Variants in CTNNA3 observed in about 807,000 individuals in gnomAD.
CTNNA3 encodes catenin alpha 3.
Under a neutral mutation model 95.7 loss-of-function variants are expected in CTNNA3, and 76 were observed. The ratio of observed to expected loss-of-function variants is 0.79; its 90% confidence interval spans 0.66 to 0.96. The LOEUF (loss-of-function observed/expected upper bound fraction) is 0.96. Ranked by LOEUF, CTNNA3 falls within the 40% of genes least tolerant of loss-of-function variation. The probability of loss-of-function intolerance (pLI) is 0.00; values close to 1 mark genes in which losing one functional copy is unlikely to be tolerated. For synonymous variants in CTNNA3, 431 were observed against 374.4 expected (o/e 1.15, Z -1.74); for missense variants, 1,191 against 1,089.8 (o/e 1.09, Z -1.31).
chr10:66,914,142 T>C (rs2132572222), intron 7 of CTNNA3, among the ~76,000 whole-genome samples: 1 of 150,236 alleles, frequency 6.7e-6, no homozygotes, highest in East Asian at 2.0e-4. Context: ...TTTTTTTTTT[T>C]TTTTTTGAGA....
At chr10:66,446,135 A>C (rs2093419043) in intron 11 of CTNNA3, among the ~76,000 whole-genome samples, 1 of 152,198 alleles carries the variant, frequency 6.6e-6, no homozygotes, top group Non-Finnish European at 1.5e-5. Flanking sequence ...AAAAAGTTGA[A>C]TCTCTGAATA....
At chr10:66,996,505 G>T (rs372789305) in intron 7 of CTNNA3, among the ~76,000 whole-genome samples, 1 of 151,866 alleles carries the variant, frequency 6.6e-6, no homozygotes, top group Non-Finnish European at 1.5e-5. Context: ...GAAACTAGCC[G>T]GGCGTGGTGG....
chr10:66,928,254 T>C, intron 7 of CTNNA3: 1 of 1,614,126 alleles, frequency 6.2e-7, no homozygotes, highest in African/African-American at 1.3e-5. Context: ...AGCGGTACCC[T>C]GCGAGCATGA....
intron 7 of CTNNA3, among the ~76,000 whole-genome samples, chr10:67,145,636 G>A (rs1183451024): frequency 6.6e-6 from 1 of 151,830 alleles, no homozygotes; most frequent in East Asian, 1.9e-4. Flanking sequence ...TCACCATATT[G>A]GCCAGGCTGT....
intron 4 of CTNNA3, among the ~76,000 whole-genome samples, chr10:67,534,002 A>G (rs966652588): frequency 6.6e-6 from 1 of 152,054 alleles, no homozygotes; most frequent in Non-Finnish European, 1.5e-5. Flanking sequence ...CTTTAATGCT[A>G]TGAAATAAAG....
Position 66,819,470 on chromosome 10 carries a change from G to A in CTNNA3, c.1048-43946C>T, listed in dbSNP as rs181558415. On this transcript the variant is annotated intron_variant, in intron 7 of 17. Transcript: ENST00000433211. ...GTATGACATCAAAAGTACGAGCAGC[G>A]AAAAATAAATAGGTATACTGGACTT... is the stretch of plus-strand genomic sequence containing the variant. Among the ~76,000 whole-genome samples the A allele has an allele frequency of 4.1e-3, 628 of 151,844 alleles. 5 individuals carry two copies. Among genetic ancestry groups the A allele is most frequent in the African/African-American group, 0.013 (555 of 41,378 alleles).
chr10:67,725,413 G>A (rs1373166362), intron 1 of CTNNA3, among the ~76,000 whole-genome samples: 2 of 152,016 alleles, frequency 1.3e-5, no homozygotes, highest in Non-Finnish European at 2.9e-5. Flanking sequence ...TCCTGACCTC[G>A]TGATTCGCCC....
At chr10:67,483,105 G>A (rs12411412) in intron 5 of CTNNA3, among the ~76,000 whole-genome samples, 24,910 of 150,408 alleles carry the variant, frequency 0.17, 3,241 homozygotes, top group East Asian at 0.34. Context: ...ATCATTAAAA[G>A]GTCAGGACAC....
rs571411568 is a variant in CTNNA3, at chr10:66,410,872, C to T, written c.1532-31520G>A. ...CATAAAGTGCCTGTGTCTCTTAAAA[C>T]TTACACCATTAGCAAGCATTTAAAC... On this transcript the variant is annotated intron_variant, in intron 11 of 17. Transcript: ENST00000433211. Among the ~76,000 whole-genome samples, 161 of 151,682 alleles carry T rather than the reference C, an allele frequency of 1.1e-3. 1 individual carries two copies. Among genetic ancestry groups the T allele is most frequent in the African/African-American group, 3.4e-3 (143 of 41,494 alleles).
chr10:67,445,932 G>C (rs1184700945), intron 5 of CTNNA3, among the ~76,000 whole-genome samples: 1 of 152,136 alleles, frequency 6.6e-6, no homozygotes, highest in Non-Finnish European at 1.5e-5. Context: ...TTTTGTCCTA[G>C]TGTCTGGTAC....
intron 15 of CTNNA3, among the ~76,000 whole-genome samples, chr10:65,989,055 C>A (rs1226034237): frequency 6.6e-6 from 1 of 152,124 alleles, no homozygotes; most frequent in East Asian, 1.9e-4. Context: ...ATTCTCCAGT[C>A]TTAGCCCCCC....
intron 17 of CTNNA3, among the ~76,000 whole-genome samples, chr10:65,961,318 T>C (rs902393472): frequency 1.4e-4 from 21 of 152,160 alleles, no homozygotes; most frequent in Non-Finnish European, 5.9e-5. Flanking sequence ...CTGATCATGA[T>C]ACAATTTTTG....
At chr10:67,679,216 T>C (rs1323788593) in intron 1 of CTNNA3, among the ~76,000 whole-genome samples, 1 of 152,176 alleles carries the variant, frequency 6.6e-6, no homozygotes, top group African/African-American at 2.4e-5. Flanking sequence ...TAACTCTTTA[T>C]GGTTGGGGGC....
At chr10:66,386,380 A>C (rs2132513666) in intron 11 of CTNNA3, among the ~76,000 whole-genome samples, 1 of 152,270 alleles carries the variant, frequency 6.6e-6, no homozygotes, top group Non-Finnish European at 1.5e-5. Context: ...TAGGAATCCA[A>C]CTTACAAGGG....
rs138000602 is a variant in CTNNA3, at chr10:66,050,593, G to A, written c.2159+18715C>T. Among the ~76,000 whole-genome samples, 343 of 152,080 alleles carry A rather than the reference G, an allele frequency of 2.3e-3. 3 individuals carry two copies. The highest frequency in any genetic ancestry group is 0.015 in the East Asian group (78 of 5,152). ...ACGACAGGCTAGGGCCACTATGTCC[G>A]GCTCCTTAGATTTTTATAATATTAA... On this transcript the variant is annotated intron_variant, in intron 15 of 17. Transcript: ENST00000433211.
intron 5 of CTNNA3, among the ~76,000 whole-genome samples, chr10:67,362,762 C>G (rs1843035581): frequency 6.8e-6 from 1 of 146,834 alleles, no homozygotes; most frequent in Non-Finnish European, 1.5e-5. Flanking sequence ...CTAGAACATT[C>G]AGGCAAGAAA....
chr10:67,149,514 G>A lies in CTNNA3; in HGVS notation c.1047+30803C>T, dbSNP rs138308606. 3.4e-3 allele frequency among the ~76,000 whole-genome samples: 522 copies of A among 152,298 alleles called. 4 individuals are homozygous for A. Among genetic ancestry groups the A allele is most frequent in the African/African-American group, 0.012 (490 of 41,564 alleles). On this transcript the variant is annotated intron_variant, in intron 7 of 17. Transcript: ENST00000433211. Reference sequence around the variant, plus strand: ...GCAGGAAAATGGCGTGAACCCGGGAGGCGGAGCTTGCAGTGAGCCGAGATT... The same window carrying A: ...GCAGGAAAATGGCGTGAACCCGGGAAGCGGAGCTTGCAGTGAGCCGAGATT...
chr10:66,676,009 T>C (rs1036809273), intron 9 of CTNNA3, among the ~76,000 whole-genome samples: 4 of 152,122 alleles, frequency 2.6e-5, no homozygotes, highest in African/African-American at 4.8e-5. Flanking sequence ...AAACCAGTCA[T>C]GTCTAAATCA....
At chr10:67,625,586 T>C (rs1175794369) in intron 2 of CTNNA3, among the ~76,000 whole-genome samples, 1 of 152,216 alleles carries the variant, frequency 6.6e-6, no homozygotes, top group Non-Finnish European at 1.5e-5. Flanking sequence ...TTTTAGAGAG[T>C]GCTTGTCTTA....
Sources: allele counts gnomAD v4.1 joint callset (sites outside exome capture counted in the v4.1 genomes callset), GRCh38; gene constraint gnomAD v4.1.1; transcripts MANE v1.5; gene names NCBI Gene and HGNC (gene_info 2026-07-23, HGNC 2026-07-21).